The following IQGAP2 variants were observed in gnomAD, a reference collection of about 807,000 sequenced individuals.
The protein encoded by IQGAP2 is ras GTPase-activating-like protein IQGAP2.
IQGAP2 carries 173 observed loss-of-function variants against 201.3 expected under a neutral mutation model. That is an observed-to-expected ratio of 0.86 (90% CI 0.76 to 0.98). IQGAP2 has a LOEUF of 0.98. Ranked by LOEUF, IQGAP2 falls within the 50% of genes least tolerant of loss-of-function variation. The probability of loss-of-function intolerance (pLI) is 0.00; values close to 1 mark genes in which losing one functional copy is unlikely to be tolerated. For missense variants in IQGAP2, 1,687 were observed against 1,864.8 expected (o/e 0.90, Z 1.76); for synonymous variants, 675 against 673.9 (o/e 1.00, Z -0.03).
chr5:76,559,322 A>G (rs1744173013), intron 2 of IQGAP2, among the ~76,000 whole-genome samples: 1 of 152,092 alleles, frequency 6.6e-6, no homozygotes, highest in African/African-American at 2.4e-5. Context: ...AACATCTCAC[A>G]ATGGGAAAGG....
chr5:76,512,199 G>C (rs551899343), intron 2 of IQGAP2, among the ~76,000 whole-genome samples: 14 of 152,138 alleles, frequency 9.2e-5, no homozygotes, highest in African/African-American at 3.4e-4. Flanking sequence ...TTGATTATTA[G>C]CCAAAATACA....
intron 2 of IQGAP2, among the ~76,000 whole-genome samples, chr5:76,545,938 C>CT (rs1169194911): frequency 1.3e-5 from 2 of 152,184 alleles, no homozygotes; most frequent in Non-Finnish European, 2.9e-5. Context: ...CATCAGACAT[C>CT]TGAGTTTTTT....
At chr5:76,530,596 TTATGTACATAAA>T (rs1274691737) in intron 2 of IQGAP2, among the ~76,000 whole-genome samples, 2 of 152,226 alleles carry the variant, frequency 1.3e-5, no homozygotes, top group African/African-American at 4.8e-5. Context: ...AGAAATTGTG[TTATGTACATAAA>T]TATGTACGTG....
rs371624599 is a variant in IQGAP2, at chr5:76,611,108, T to C, written c.1446T>C (p.Asn482=). Residue 482 remains asparagine, a synonymous_variant, in exon 13 of 36, where the codon AAT becomes AAC. Transcript: ENST00000274364. ...TLETLLLPTA[N]ISDVDPAHAQ... is the part of the protein sequence containing the mutation. Reference sequence around the variant, plus strand: ...AAACTTTGCTCCTACCTACTGCGAATATTAGTGATGTGGACCCAGCCCATG... The same window carrying C: ...AAACTTTGCTCCTACCTACTGCGAACATTAGTGATGTGGACCCAGCCCATG... 3 of 1,614,064 alleles carry C rather than the reference T, an allele frequency of 1.9e-6. No homozygotes were observed.
At chr5:76,698,400 T>G (rs181627772) in intron 33 of IQGAP2, among the ~76,000 whole-genome samples, 1 of 152,354 alleles carries the variant, frequency 6.6e-6, no homozygotes, top group Admixed American at 6.5e-5. Context: ...ATAGCATTAG[T>G]AAGTTAGGGA....
Position 76,707,383 on chromosome 5 carries a change from T to C in IQGAP2, c.*70T>C. The C allele has an allele frequency of 2.6e-6, 2 of 772,730 alleles. No homozygotes were observed. The highest frequency in any genetic ancestry group is 1.8e-5 in the African/African-American group (1 of 56,614). The allele number at this position is 772,730 out of a possible 1,614,324, so 47.9% of individuals were successfully genotyped here. A position where few individuals can be genotyped will look rare whatever the true frequency, so the allele number is the denominator to read the frequency against. ...AAATGAATTTGTTTAATATTTTTGTTTTTAAACATGATTGAAATCACTGCT... is the reference window on the plus strand; with the variant it reads ...AAATGAATTTGTTTAATATTTTTGTCTTTAAACATGATTGAAATCACTGCT... On this transcript the variant is annotated 3_prime_UTR_variant, in exon 36 of 36. Transcript: ENST00000274364.
chr5:76,538,628 G>A (rs1384302212), intron 2 of IQGAP2, among the ~76,000 whole-genome samples: 2 of 152,204 alleles, frequency 1.3e-5, no homozygotes, highest in African/African-American at 4.8e-5. Flanking sequence ...ATTCATTGGG[G>A]CTAAAAACAT....
intron 2 of IQGAP2, among the ~76,000 whole-genome samples, chr5:76,524,432 A>G (rs1370540997): frequency 3.3e-5 from 5 of 152,206 alleles, no homozygotes; most frequent in Non-Finnish European, 7.3e-5. Flanking sequence ...AACAGCACCC[A>G]GCATTTGAGA....
At chr5:76,696,356 T>G (rs540378982) in intron 32 of IQGAP2, among the ~76,000 whole-genome samples, 72 of 152,300 alleles carry the variant, frequency 4.7e-4, no homozygotes, top group Non-Finnish European at 8.1e-4. Context: ...CTAAATGCAG[T>G]TCAGACTTGA....
At chr5:76,691,993 G>A (rs574555630) in intron 30 of IQGAP2, among the ~76,000 whole-genome samples, 1 of 152,274 alleles carries the variant, frequency 6.6e-6, no homozygotes, top group Admixed American at 6.5e-5. Flanking sequence ...GTCATTCAGT[G>A]ATATCATGTA....
chr5:76,672,092 A>T, intron 24 of IQGAP2, 109 bp downstream of exon 24: 1 of 784,274 alleles, frequency 1.3e-6, no homozygotes. Flanking sequence ...AAAGTCAGTT[A>T]TCAATCCAAA....
intron 13 of IQGAP2, chr5:76,623,259 CG>C: frequency 6.2e-7 from 1 of 1,612,782 alleles, no homozygotes; most frequent in Non-Finnish European, 8.5e-7. Flanking sequence ...GTCTCTTAAA[CG>C]TTATGAAATC....
Position 76,674,702 on chromosome 5 carries a change from G to C in IQGAP2, c.3520G>C (p.Glu1174Gln), listed in dbSNP as rs997625466. The part of the protein sequence containing the change: ...MNNYLSETYQ[E>Q]FRKYFKEACN... ...CAATTATTTATCAGAGACGTATCAGGAATTCAGGTGAGAGGGGCCCTTAGT... is the reference window on the plus strand; with the variant it reads ...CAATTATTTATCAGAGACGTATCAGCAATTCAGGTGAGAGGGGCCCTTAGT... The change falls in exon 27 of 36, where the codon GAA becomes CAA. Residue 1174 changes from glutamate (E) to glutamine (Q), a missense_variant. Transcript: ENST00000274364. 1 of 1,609,048 alleles carries C rather than the reference G, an allele frequency of 6.2e-7. No individual in the cohort carries two copies. The highest frequency in any genetic ancestry group is 2.2e-5 in the East Asian group (1 of 44,826).
chr5:76,496,761 C>CTTTCTTTCT (rs1561416554), intron 2 of IQGAP2, among the ~76,000 whole-genome samples: 2,432 of 88,996 alleles, frequency 0.027, 88 homozygotes, highest in Non-Finnish European at 0.036. Flanking sequence ...TTCTTTCTTT[C>CTTTCTTTCT]TTTCTTTCTT....
chr5:76,550,639 A>C (rs1240250418), intron 2 of IQGAP2, among the ~76,000 whole-genome samples: 1 of 152,224 alleles, frequency 6.6e-6, no homozygotes, highest in Admixed American at 6.5e-5. Flanking sequence ...GAGTGGACAC[A>C]GCACATGTTT....
intron 2 of IQGAP2, among the ~76,000 whole-genome samples, chr5:76,471,544 T>C (rs1207584797): frequency 6.6e-6 from 1 of 152,162 alleles, no homozygotes; most frequent in Non-Finnish European, 1.5e-5. Flanking sequence ...TGTCAGTGTT[T>C]ACAACTCAGA....
intron 31 of IQGAP2, 86 bp from the exon 32 acceptor site, chr5:76,695,368 T>C (rs1225113645): frequency 6.9e-6 from 8 of 1,151,260 alleles, no homozygotes; most frequent in Non-Finnish European, 3.8e-6. Context: ...CTACTTTCAT[T>C]TTGACATTAA....
At position 76,600,809 on chromosome 5, in the gene IQGAP2, C is replaced by G; in HGVS notation, c.1072-3C>G. The G allele has an allele frequency of 6.2e-7, 1 of 1,613,880 alleles. No individual in the cohort carries two copies. Among genetic ancestry groups the G allele is most frequent in the Non-Finnish European group, 8.5e-7 (1 of 1,179,804 alleles). ...GCTTATGTTGCCATATGTTTTCCAA[C>G]AGAACTACTTGGCCCACGAGGAGCT... is the stretch of plus-strand genomic sequence containing the variant. On this transcript the variant is annotated splice_polypyrimidine_tract_variant and splice_region_variant and intron_variant, in intron 10 of 35. Coordinates refer to ENST00000274364, the MANE Select transcript of IQGAP2 (RefSeq NM_006633.5).
intron 13 of IQGAP2, among the ~76,000 whole-genome samples, chr5:76,619,217 G>T (rs2069679): frequency 0.036 from 5,522 of 152,250 alleles, 186 homozygotes; most frequent in East Asian, 0.098. Flanking sequence ...AATGCTACTC[G>T]TGGAGAAGAT....
Sources: gnomAD v4.1 joint callset for allele counts (sites outside exome capture counted in the v4.1 genomes callset) on GRCh38, gnomAD v4.1.1 for gene constraint, MANE v1.5 for transcripts, NCBI Gene and HGNC (gene_info 2026-07-23, HGNC 2026-07-21) for gene names.